MMP26: variants seen among roughly 807,000 people sequenced by gnomAD.
MMP26 encodes the protein matrix metalloproteinase-26.
Under a neutral mutation model 31.0 loss-of-function variants are expected in MMP26, and 33 were observed. The observed-to-expected ratio is 1.06, with a 90% confidence interval of 0.81 to 1.42. The LOEUF (loss-of-function observed/expected upper bound fraction) is 1.42, where lower values mean the gene tolerates loss of function less well. MMP26 is among the 40% of genes most tolerant of loss of function. The pLI is 0.00. For synonymous variants in MMP26, 122 were observed against 114.9 expected (o/e 1.06, Z -0.40); for missense variants, 347 against 316.1 (o/e 1.10, Z -0.74).
intron 1 of MMP26, chr11:4,756,767 G>A (rs1323528570): frequency 6.6e-6 from 1 of 151,342 alleles, no homozygotes; most frequent in Non-Finnish European, 1.5e-5. Flanking sequence ...GGCCTAGTGA[G>A]TAGAGTTTGA....
intron 2 of MMP26, among the ~76,000 whole-genome samples, chr11:4,791,121 G>A (rs561759629): frequency 2.8e-4 from 43 of 152,170 alleles, no homozygotes; most frequent in African/African-American, 7.9e-4. Flanking sequence ...AATCTGAAGC[G>A]TACATAAATA....
At chr11:4,831,218 A>G (rs1001263099) in intron 2 of MMP26, among the ~76,000 whole-genome samples, 2 of 152,140 alleles carry the variant, frequency 1.3e-5, no homozygotes, top group African/African-American at 4.8e-5. Flanking sequence ...CCATGAAAGG[A>G]CAAATGATCA....
chr11:4,742,826 T>C (rs1237181902), intron 1 of MMP26, among the ~76,000 whole-genome samples: 1 of 152,212 alleles, frequency 6.6e-6, no homozygotes, highest in Non-Finnish European at 1.5e-5. Flanking sequence ...GATAGAATCC[T>C]ACAATGTGTC....
intron 2 of MMP26, among the ~76,000 whole-genome samples, chr11:4,928,536 A>G (rs541050675): frequency 6.6e-6 from 1 of 152,328 alleles, no homozygotes; most frequent in African/African-American, 2.4e-5. Context: ...TTTCAGTAAC[A>G]CAATTATTTA....
chr11:4,759,808 T>G (rs1428536139), intron 1 of MMP26, among the ~76,000 whole-genome samples: 1 of 152,172 alleles, frequency 6.6e-6, no homozygotes, highest in Non-Finnish European at 1.5e-5. Flanking sequence ...ATGCGTTGTT[T>G]CTCGTCATCT....
intron 1 of MMP26, chr11:4,736,815 G>A (rs761301836): frequency 1.3e-5 from 2 of 152,524 alleles, no homozygotes; most frequent in African/African-American, 4.8e-5. Flanking sequence ...CACAGGCGTG[G>A]AAACTGATCT....
At chr11:4,895,907 A>AC (rs1212335371) in intron 2 of MMP26, among the ~76,000 whole-genome samples, 1 of 152,138 alleles carries the variant, frequency 6.6e-6, no homozygotes, top group Non-Finnish European at 1.5e-5. Context: ...ACACAGTGAG[A>AC]CCCCGTCTTG....
intron 2 of MMP26, among the ~76,000 whole-genome samples, chr11:4,979,681 T>G (rs529056334): frequency 2.6e-5 from 4 of 152,112 alleles, no homozygotes; most frequent in Admixed American, 2.6e-4. Context: ...CTCCTTTTAA[T>G]GCACTTGTGT....
chr11:4,987,915 A>G (rs1846929765), intron 2 of MMP26, among the ~76,000 whole-genome samples, 153 bp from the exon 3 acceptor site: 1 of 152,134 alleles, frequency 6.6e-6, no homozygotes, highest in Non-Finnish European at 1.5e-5. Context: ...ATTTTAAAAA[A>G]TGATGCCCCC....
Position 4,803,840 on chromosome 11 carries a change from A to G in MMP26, c.-145+36499A>G, listed in dbSNP as rs762686617. The G allele has an allele frequency of 3.1e-6, 5 of 1,613,014 alleles. No homozygotes were observed. The East Asian group carries it at 6.7e-5, about 22-fold the overall frequency. ...TTCAGCACAGCCATGTGCTCACAGTATGACTGGGGAATGGCTTGGTGTTGG... is the reference window on the plus strand; with the variant it reads ...TTCAGCACAGCCATGTGCTCACAGTGTGACTGGGGAATGGCTTGGTGTTGG... On this transcript the variant is annotated intron_variant, in intron 2 of 7. Transcript: ENST00000380390.
chr11:4,940,452 T>G (rs1001954644), intron 2 of MMP26, among the ~76,000 whole-genome samples: 2 of 152,188 alleles, frequency 1.3e-5, no homozygotes, highest in Non-Finnish European at 2.9e-5. Flanking sequence ...GTAATGCAAA[T>G]TTTGTCAGAC....
Position 4,866,247 on chromosome 11 carries a change from T to G in MMP26, c.-145+98906T>G, listed in dbSNP as rs187693134. ...GATCTGAAATGATCAGTGGCAACACTTAGTGCAAGAGATTTATTTTGAGAA... is the reference window on the plus strand; with the variant it reads ...GATCTGAAATGATCAGTGGCAACACGTAGTGCAAGAGATTTATTTTGAGAA... On this transcript the variant is annotated intron_variant, in intron 2 of 7. Coordinates refer to ENST00000380390, the MANE Select transcript of MMP26 (RefSeq NM_021801.5). Among the ~76,000 whole-genome samples, 221 of 152,310 alleles carry G rather than the reference T, an allele frequency of 1.5e-3. 1 individual carries two copies. The highest frequency in any genetic ancestry group is 5.1e-3 in the African/African-American group (210 of 41,578).
rs1849208676 is a variant in MMP26, at chr11:4,803,312, C to T, written c.-145+35971C>T. 1.3e-5 allele frequency: 9 copies of T among 711,244 alleles called. No individual in the cohort carries two copies. The East Asian group carries it at 2.1e-4, about 17-fold the overall frequency. The allele number at this position is 711,244 out of a possible 1,614,324, so 44.1% of individuals were successfully genotyped here. On this transcript the variant is annotated intron_variant, in intron 2 of 7. Coordinates refer to ENST00000380390, the MANE Select transcript of MMP26 (RefSeq NM_021801.5). ...TCTCTTGCCTCTAGAGGGTTGCTTA[C>T]CTCTGAGCCAGTTATTTACAGAGCT...
At chr11:4,792,107 A>C (rs1156408750) in intron 2 of MMP26, among the ~76,000 whole-genome samples, 1 of 151,966 alleles carries the variant, frequency 6.6e-6, no homozygotes, top group Admixed American at 6.6e-5. Context: ...ACTTTATAGA[A>C]GTGACAAGAG....
At chr11:4,724,121 G>A in intron 1 of MMP26, 1 of 621,564 alleles carries the variant, frequency 1.6e-6, no homozygotes, top group Admixed American at 2.6e-5. Context: ...TGAAGTCCTG[G>A]GGGGCTAGAG....
chr11:4,955,316 C>T (rs771614733), intron 2 of MMP26: 1 of 1,155,528 alleles, frequency 8.7e-7, no homozygotes, highest in South Asian at 1.3e-5. Flanking sequence ...TGAGGTGTAT[C>T]TCAGAGGATT....
At chr11:4,905,082 AG>A (rs1228757082) in intron 2 of MMP26, among the ~76,000 whole-genome samples, 1 of 152,162 alleles carries the variant, frequency 6.6e-6, no homozygotes, top group Non-Finnish European at 1.5e-5. Flanking sequence ...GAAAATAAAA[AG>A]GAATAAGAGT....
intron 2 of MMP26, among the ~76,000 whole-genome samples, chr11:4,799,659 C>G (rs781259959): frequency 1.3e-5 from 2 of 152,150 alleles, no homozygotes; most frequent in African/African-American, 4.8e-5. Flanking sequence ...ATTCCAGCAA[C>G]AAGTCCAAAG....
At chr11:4,735,318 A>G (rs975776099) in intron 1 of MMP26, among the ~76,000 whole-genome samples, 8 of 152,128 alleles carry the variant, frequency 5.3e-5, no homozygotes, top group Non-Finnish European at 8.8e-5. Flanking sequence ...CACTATATAT[A>G]TGTGTGTGTG....
Sources: allele counts gnomAD v4.1 joint callset (sites outside exome capture counted in the v4.1 genomes callset), GRCh38; gene constraint gnomAD v4.1.1; transcripts MANE v1.5; gene names NCBI Gene and HGNC (gene_info 2026-07-23, HGNC 2026-07-21).